Variants in SZRD1 observed in about 807,000 individuals in gnomAD.
SZRD1 encodes SUZ RNA binding domain containing 1.
Under a neutral mutation model 17.6 loss-of-function variants are expected in SZRD1, and 7 were observed. The ratio of observed to expected loss-of-function variants is 0.40; its 90% CI spans 0.23 to 0.75. SZRD1 has a LOEUF of 0.75. Ranked by LOEUF, SZRD1 falls within the 30% of genes least tolerant of loss-of-function variation. The pLI, the probability that SZRD1 is intolerant of heterozygous loss-of-function variation, is 0.38. For missense variants in SZRD1, 178 were observed against 201.8 expected (o/e 0.88, Z 0.71); for synonymous variants, 77 against 77.9 (o/e 0.99, Z 0.06).
chr1:16,389,080 CTTTTTTT>C (rs779460255), intron 1 of SZRD1, among the ~76,000 whole-genome samples: 5 of 114,900 alleles, frequency 4.4e-5, no homozygotes, highest in African/African-American at 1.3e-4. Flanking sequence ...TAGTTATTTC[CTTTTTTT>C]TTTTTTTTTT....
At chr1:16,371,903 AT>A (rs544353219) in intron 1 of SZRD1, among the ~76,000 whole-genome samples, 1 of 151,920 alleles carries the variant, frequency 6.6e-6, no homozygotes, top group East Asian at 1.9e-4. Flanking sequence ...TAAAAAGAAA[AT>A]TTTTTTGTAG....
rs2085296426 is a variant in SZRD1, at chr1:16,395,511, G to T, written c.*371G>T. 1 of 215,200 alleles carries T rather than the reference G, an allele frequency of 4.6e-6. No individual in the cohort carries two copies. Among genetic ancestry groups the T allele is most frequent in the African/African-American group, 2.3e-5 (1 of 43,776 alleles). 13.3% of individuals were successfully genotyped at this position (215,200 alleles called of 1,614,324 possible). On this transcript the variant is annotated 3_prime_UTR_variant, in exon 4 of 4. Coordinates refer to ENST00000401088, the MANE Select transcript of SZRD1 (RefSeq NM_001114600.3). ...ACAGTTTATCATGCTCATTAATTTG[G>T]GATTTCAAAACACAAATGAAAACTC...
At chr1:16,376,476 CTTT>C (rs1261935230) in intron 1 of SZRD1, among the ~76,000 whole-genome samples, 1 of 152,150 alleles carries the variant, frequency 6.6e-6, no homozygotes, top group Non-Finnish European at 1.5e-5. Flanking sequence ...TGAGAAATAA[CTTT>C]TTAACATTTG....
intron 1 of SZRD1, among the ~76,000 whole-genome samples, chr1:16,382,030 G>GT (rs1402549742): frequency 6.6e-6 from 1 of 152,242 alleles, no homozygotes; most frequent in East Asian, 1.9e-4. Flanking sequence ...GTCTTGAACA[G>GT]TGGGGCCAAT....
chr1:16,394,722 A>G (rs1557633031), intron 3 of SZRD1, among the ~76,000 whole-genome samples: 1 of 152,106 alleles, frequency 6.6e-6, no homozygotes, highest in Non-Finnish European at 1.5e-5. Context: ...TGAGAGGCCG[A>G]GGTGGACGGA....
chr1:16,387,966 G>A (rs150361493), intron 1 of SZRD1, among the ~76,000 whole-genome samples: 60 of 152,270 alleles, frequency 3.9e-4, no homozygotes, highest in Middle Eastern at 3.4e-3. Flanking sequence ...CATCCAGGTC[G>A]TTCTCTTATT....
intron 1 of SZRD1, among the ~76,000 whole-genome samples, 172 bp downstream of exon 1, chr1:16,367,480 C>T (rs2082840489): frequency 6.6e-6 from 1 of 150,886 alleles, no homozygotes. Context: ...TTAAAGGGGC[C>T]GCGATCCATT....
intron 1 of SZRD1, among the ~76,000 whole-genome samples, chr1:16,390,795 A>G (rs747238877): frequency 6.6e-6 from 1 of 152,316 alleles, no homozygotes; most frequent in Admixed American, 6.5e-5. Flanking sequence ...GTAGACATCC[A>G]GGCTGGGTTG....
chr1:16,394,758 C>T (rs887163610), intron 3 of SZRD1, among the ~76,000 whole-genome samples: 3 of 152,106 alleles, frequency 2.0e-5, no homozygotes, highest in African/African-American at 7.2e-5. Context: ...AGTTCAAGAC[C>T]AGCCTGGCCG....
At chr1:16,368,847 C>G (rs1029770038) in intron 1 of SZRD1, among the ~76,000 whole-genome samples, 3 of 152,156 alleles carry the variant, frequency 2.0e-5, no homozygotes, top group African/African-American at 7.2e-5. Context: ...GGCATCTTGG[C>G]CTTTCTTTGG....
rs2085306058 is a variant in SZRD1, at chr1:16,396,013, A to T, written c.*873A>T. On this transcript the variant is annotated 3_prime_UTR_variant, in exon 4 of 4. Transcript: ENST00000401088. ...GAAAGTGAACCGACTTCCCCTTCCCATACCCCTCAGGGTGGTTCCCTACCA... is the reference window on the plus strand; with the variant it reads ...GAAAGTGAACCGACTTCCCCTTCCCTTACCCCTCAGGGTGGTTCCCTACCA... 1 of 152,664 alleles carries T rather than the reference A, an allele frequency of 6.6e-6. No homozygotes were observed. The highest frequency in any genetic ancestry group is 6.5e-5 in the Admixed American group (1 of 15,278). The allele number at this position is 152,664 out of a possible 1,614,324, so 9.5% of individuals were successfully genotyped here. A position where few individuals can be genotyped will look rare whatever the true frequency, so the allele number is the denominator to read the frequency against.
rs759329729 is a variant in SZRD1, at chr1:16,393,610, T to C, written c.356+128T>C. 93 of 1,043,468 alleles carry C rather than the reference T, an allele frequency of 8.9e-5. No homozygotes were observed. Among genetic ancestry groups the C allele is most frequent in the Non-Finnish European group, 1.1e-4 (84 of 730,544 alleles). 64.6% of individuals were successfully genotyped at this position (1,043,468 alleles called of 1,614,324 possible). A position where few individuals can be genotyped will look rare whatever the true frequency, so the allele number is the denominator to read the frequency against. The stretch of plus-strand genomic sequence containing the variant: ...CAGGGTAGGAACCATGCAGCTCCAC[T>C]TGCTGATCCCAGCCTGCTGGCACTA... On this transcript the variant is annotated intron_variant, in intron 3 of 3. Transcript: ENST00000401088. The surrounding 1 kb of genome is among the most constrained non-coding windows in gnomAD (Gnocchi z 5.6).
intron 1 of SZRD1, among the ~76,000 whole-genome samples, chr1:16,386,370 A>G (rs1397950551): frequency 6.6e-6 from 1 of 152,160 alleles, no homozygotes; most frequent in African/African-American, 2.4e-5. Flanking sequence ...ACGATTCCTT[A>G]TTTCAGGCCT....
Position 16,396,414 on chromosome 1 carries a change from C to G in SZRD1, c.*1274C>G, listed in dbSNP as rs2085312294. ...TGATGACAGACTGGTTCCTCAGAGG[C>G]CTAGGCTACCCGTCACCCCTTTTTC... On this transcript the variant is annotated 3_prime_UTR_variant, in exon 4 of 4. Transcript: ENST00000401088. The G allele has an allele frequency of 6.6e-6, 1 of 152,204 alleles. No individual in the cohort carries two copies. Among genetic ancestry groups the G allele is most frequent in the African/African-American group, 2.4e-5 (1 of 41,446 alleles). The allele number at this position is 152,204 out of a possible 1,614,324, so 9.4% of individuals were successfully genotyped here.
At chr1:16,377,283 C>G (rs541026726) in intron 1 of SZRD1, among the ~76,000 whole-genome samples, 12 of 152,058 alleles carry the variant, frequency 7.9e-5, no homozygotes, top group Non-Finnish European at 1.8e-4. Flanking sequence ...GGGAGAGGAG[C>G]CTTGCAGTCA....
Position 16,397,086 on chromosome 1 carries a change from G to A in SZRD1, c.*1946G>A, listed in dbSNP as rs544940004. On this transcript the variant is annotated 3_prime_UTR_variant, in exon 4 of 4. Coordinates refer to ENST00000401088, the MANE Select transcript of SZRD1 (RefSeq NM_001114600.3). The surrounding 1 kb of genome is among the most constrained non-coding windows in gnomAD (Gnocchi z 5.4). ...CCTTTTAATTGGAGAAGGGTATAGA[G>A]GTAGTCCAGGTGGGAACGCCAGAAG... 1.3e-5 allele frequency: 2 copies of A among 152,426 alleles called. No homozygotes were observed. The highest frequency in any genetic ancestry group is 2.9e-5 in the Non-Finnish European group (2 of 68,072). The allele number at this position is 152,426 out of a possible 1,614,324, so 9.4% of individuals were successfully genotyped here. A position where few individuals can be genotyped will look rare whatever the true frequency, so the allele number is the denominator to read the frequency against.
At chr1:16,387,917 A>G (rs974766397) in intron 1 of SZRD1, 5 of 342,980 alleles carry the variant, frequency 1.5e-5, no homozygotes, top group African/African-American at 8.6e-5. Flanking sequence ...GTGGACATAG[A>G]TTCTGTGTGA....
At chr1:16,387,727 A>T (rs1321731711) in intron 1 of SZRD1, 1 of 456,312 alleles carries the variant, frequency 2.2e-6, no homozygotes, top group Non-Finnish European at 4.4e-6. Flanking sequence ...TCTTGTATTT[A>T]GAGTGGAGCG....
intron 1 of SZRD1, among the ~76,000 whole-genome samples, chr1:16,388,322 ACTC>A (rs2085162249): frequency 6.6e-6 from 1 of 151,736 alleles, no homozygotes; most frequent in African/African-American, 2.4e-5. Context: ...CTGGTCTTGA[ACTC>A]CTGACCTCAA....
Sources: gnomAD v4.1 joint callset for allele counts (sites outside exome capture counted in the v4.1 genomes callset) on GRCh38, gnomAD v4.1.1 for gene constraint, Gnocchi (gnomAD v3.1) non-coding constraint, MANE v1.5 for transcripts, NCBI Gene and HGNC (gene_info 2026-07-23, HGNC 2026-07-21) for gene names.